The following FOXP2 variants were observed in gnomAD, a reference collection of about 807,000 sequenced individuals.
FOXP2 encodes the protein forkhead box P2.
Under a neutral mutation model 115.8 loss-of-function variants are expected in FOXP2, and 12 were observed. The observed-to-expected ratio is 0.10, with a 90% CI of 0.07 to 0.17. FOXP2 has a LOEUF of 0.17. Ranked by LOEUF, FOXP2 falls within the 10% of genes least tolerant of loss-of-function variation. FOXP2 has a pLI of 1.00. For synonymous variants in FOXP2, 328 were observed against 297.7 expected, an observed-to-expected ratio of 1.10 and a Z score of -1.05; for missense variants, 629 against 843.5, an observed-to-expected ratio of 0.75 and a Z score of 3.15.
At chr7:114,663,758 A>G (rs1004434440) in intron 15 of FOXP2, among the ~76,000 whole-genome samples, 2 of 152,136 alleles carry the variant, frequency 1.3e-5, no homozygotes, top group Admixed American at 1.3e-4. Flanking sequence ...CAAATGCTAG[A>G]TTGATAGAAG....
intron 1 of FOXP2, among the ~76,000 whole-genome samples, chr7:114,270,251 T>G (rs1034963658): frequency 6.6e-6 from 1 of 152,158 alleles, no homozygotes; most frequent in Non-Finnish European, 1.5e-5. Flanking sequence ...GCCCCCAAGT[T>G]TTGGTAATTA....
At chr7:114,461,376 T>G (rs1458582672) in intron 2 of FOXP2, among the ~76,000 whole-genome samples, 1 of 152,206 alleles carries the variant, frequency 6.6e-6, no homozygotes, top group Non-Finnish European at 1.5e-5. Flanking sequence ...AATGTATGGG[T>G]CATTACTTAA....
upstream of FOXP2, among the ~76,000 whole-genome samples, chr7:114,158,701 C>T (rs1351879054): frequency 2.0e-5 from 3 of 152,076 alleles, no homozygotes; most frequent in South Asian, 2.1e-4. Flanking sequence ...TGAAACCTAA[C>T]GACTACATGC....
intron 3 of FOXP2, among the ~76,000 whole-genome samples, chr7:114,545,753 C>T (rs892512533): frequency 2.6e-5 from 4 of 152,044 alleles, no homozygotes; most frequent in Admixed American, 6.6e-5. Flanking sequence ...TGCAGCTGGC[C>T]TTCCCTTCTT....
intron 2 of FOXP2, among the ~76,000 whole-genome samples, chr7:114,526,138 A>T (rs1798846009): frequency 6.9e-6 from 1 of 144,342 alleles, no homozygotes; most frequent in Admixed American, 7.2e-5. Flanking sequence ...GTTTTTAAAA[A>T]ATATTTATTA....
chr7:114,174,695 GC>G (rs1439357144), intron 1 of FOXP2, among the ~76,000 whole-genome samples: 1 of 152,056 alleles, frequency 6.6e-6, no homozygotes, highest in East Asian at 1.9e-4. Flanking sequence ...ATGGAAAAAT[GC>G]AAGATGGGAG....
chr7:114,099,038 GGTGGGAGGATCGCTTAAGCC>G (rs1029514258), intron 1 of FOXP2, among the ~76,000 whole-genome samples: 1 of 152,094 alleles, frequency 6.6e-6, no homozygotes, highest in East Asian at 1.9e-4. Context: ...AGGAGGCTGG[GGTGGGAGGATCGCTTAAGCC>G]CAGGAGGTTG....
At chr7:114,276,638 G>A (rs1303136084) in intron 1 of FOXP2, among the ~76,000 whole-genome samples, 2 of 152,124 alleles carry the variant, frequency 1.3e-5, no homozygotes. Flanking sequence ...ATTCCATCAA[G>A]GCATCAATTA....
intron 3 of FOXP2, among the ~76,000 whole-genome samples, chr7:114,596,441 C>T (rs1280615210): frequency 1.3e-5 from 2 of 152,054 alleles, no homozygotes; most frequent in African/African-American, 4.8e-5. Context: ...TCAGGTGCCC[C>T]TGAGAGAGCT....
chr7:114,661,827 T>G, intron 13 of FOXP2: 1 of 467,576 alleles, frequency 2.1e-6, no homozygotes, highest in Non-Finnish European at 3.9e-6. Flanking sequence ...GAAAGGAAGG[T>G]TTTGACACAG....
intron 16 of FOXP2, among the ~76,000 whole-genome samples, chr7:114,670,711 G>A (rs1807445871): frequency 6.6e-6 from 1 of 151,734 alleles, no homozygotes; most frequent in Admixed American, 6.6e-5. Context: ...CTATTTGTAG[G>A]CACATGTAGA....
intron 2 of FOXP2, among the ~76,000 whole-genome samples, chr7:114,349,720 C>A (rs563548553): frequency 1.3e-4 from 19 of 151,584 alleles, no homozygotes; most frequent in Non-Finnish European, 2.7e-4. Flanking sequence ...TATGTATTAG[C>A]ATGTTTTATA....
chr7:114,443,618 C>G (rs1030088143), intron 2 of FOXP2, among the ~76,000 whole-genome samples: 7 of 152,112 alleles, frequency 4.6e-5, no homozygotes, highest in African/African-American at 1.7e-4. Flanking sequence ...TTGTTCCCAA[C>G]TTTGTCCATA....
chr7:114,283,263 A>G (rs1354966149), intron 1 of FOXP2, among the ~76,000 whole-genome samples: 1 of 152,214 alleles, frequency 6.6e-6, no homozygotes, highest in Non-Finnish European at 1.5e-5. Context: ...ACCATGTGCT[A>G]TACAATATTA....
In FOXP2 at chr7:114,219,771, A is replaced by T. The variant is rs1224454170; in HGVS notation, c.-102+56683A>T. On this transcript the variant is annotated intron_variant, in intron 1 of 17. Coordinates refer to the FOXP2 transcript ENST00000634411. ...TTAATCCATACATTTATTTAGTTCC[A>T]TTGTCCAGCCACAGGATCATTACAT... 1.3e-5 allele frequency among the ~76,000 whole-genome samples: 2 copies of T among 151,574 alleles called. 1 individual carries two copies. Among genetic ancestry groups the T allele is most frequent in the South Asian group, 4.2e-4 (2 of 4,816 alleles).
intron 2 of FOXP2, among the ~76,000 whole-genome samples, chr7:114,325,325 AT>A (rs1797528108): frequency 6.6e-6 from 1 of 151,786 alleles, no homozygotes; most frequent in Non-Finnish European, 1.5e-5. Flanking sequence ...ATAGTCTTCC[AT>A]TTTTTCCCCA....
chr7:114,678,968 T>C (rs1202889078), intron 16 of FOXP2, among the ~76,000 whole-genome samples: 1 of 152,188 alleles, frequency 6.6e-6, no homozygotes, highest in Admixed American at 6.6e-5. Flanking sequence ...TCTATCTCCT[T>C]GGTAGAGCAT....
At chr7:114,218,955 G>A (rs1010402129) in intron 1 of FOXP2, among the ~76,000 whole-genome samples, 4 of 152,046 alleles carry the variant, frequency 2.6e-5, no homozygotes, top group African/African-American at 9.7e-5. Flanking sequence ...TATATTTACT[G>A]CCTAATGGAG....
In FOXP2 at chr7:114,628,534, T is replaced by C; in HGVS notation, c.259-6T>C. The C allele has an allele frequency of 6.2e-7, 1 of 1,614,028 alleles. No homozygotes were observed. Among genetic ancestry groups the C allele is most frequent in the Non-Finnish European group, 8.5e-7 (1 of 1,179,964 alleles). ...AATTTTCTTTCTCTTTCTCTTTCTG[T>C]GCAAGGTGCCTGTGTCAGTGGCCAT... On this transcript the variant is annotated splice_region_variant and splice_polypyrimidine_tract_variant and intron_variant, in intron 3 of 16. Transcript: ENST00000350908.
Sources: gnomAD v4.1 joint callset for allele counts (sites outside exome capture counted in the v4.1 genomes callset) on GRCh38, gnomAD v4.1.1 for gene constraint, MANE v1.5 for transcripts, NCBI Gene and HGNC (gene_info 2026-07-23, HGNC 2026-07-21) for gene names.